The following UXS1 variants were observed in gnomAD, a reference collection of about 807,000 sequenced individuals.
UXS1 encodes the protein UDP-glucuronate decarboxylase 1.
A neutral mutation model predicts 62.6 loss-of-function variants in UXS1; 33 were observed. The ratio of observed to expected loss-of-function variants is 0.53; its 90% CI spans 0.40 to 0.70. The LOEUF (loss-of-function observed/expected upper bound fraction) is 0.70, where lower values mean the gene tolerates loss of function less well. Among genes scored for constraint, UXS1 ranks in the 30% least tolerant of loss-of-function variants. The probability of loss-of-function intolerance (pLI) is 0.00; values close to 1 mark genes in which losing one functional copy is unlikely to be tolerated. For missense variants in UXS1, 434 were observed against 556.3 expected (o/e 0.78, Z 2.21); for synonymous variants, 213 against 206.8 (o/e 1.03, Z -0.26).
chr2:106,175,290 T>C (rs530531953), intron 1 of UXS1, among the ~76,000 whole-genome samples: 18 of 152,354 alleles, frequency 1.2e-4, no homozygotes, highest in African/African-American at 4.1e-4. Context: ...TGCTGGACTG[T>C]TTGCTGTTCC....
intron 1 of UXS1, among the ~76,000 whole-genome samples, chr2:106,184,724 C>T (rs965451985): frequency 6.6e-6 from 1 of 152,150 alleles, no homozygotes; most frequent in Admixed American, 6.5e-5. Flanking sequence ...CCTCTTAATG[C>T]CATCACTTCA....
intron 7 of UXS1, among the ~76,000 whole-genome samples, chr2:106,126,175 C>G (rs991174519): frequency 6.6e-6 from 1 of 152,158 alleles, no homozygotes; most frequent in Admixed American, 6.5e-5. Context: ...TACACAGCAC[C>G]TTTTCCAAAG....
intron 9 of UXS1, among the ~76,000 whole-genome samples, chr2:106,120,436 T>C (rs1381059533): frequency 1.3e-5 from 2 of 152,096 alleles, no homozygotes. Context: ...GTAGGGTCCG[T>C]GGGAAAGGGT....
At position 106,130,844 on chromosome 2, in the gene UXS1, C is replaced by A. The variant is rs1266819514; in HGVS notation, c.473-1066G>T. ...TGAAGCAGGCTGGGAGACTCTAGAC[C>A]TTCATTCATATATATATATTTTTTT... On this transcript the variant is annotated intron_variant, in intron 6 of 14. Coordinates refer to ENST00000283148, the MANE Select transcript of UXS1 (RefSeq NM_001253875.2). 4.6e-5 allele frequency among the ~76,000 whole-genome samples: 7 copies of A among 152,110 alleles called. No homozygotes were observed. The South Asian group carries it at 1.0e-3, about 23-fold the overall frequency.
At chr2:106,125,514 T>C (rs2104932709) in intron 8 of UXS1, 106 bp downstream of exon 8, 3 of 1,095,912 alleles carry the variant, frequency 2.7e-6, no homozygotes, top group East Asian at 6.1e-5. Context: ...AAGAGGAGCA[T>C]GGGCAGGCTG....
intron 5 of UXS1, among the ~76,000 whole-genome samples, chr2:106,155,868 G>C (rs1407987496): frequency 6.6e-6 from 1 of 152,142 alleles, no homozygotes; most frequent in South Asian, 2.1e-4. Flanking sequence ...ATATCCAAAA[G>C]AATGATGACC....
intron 1 of UXS1, chr2:106,183,779 A>G (rs975804491): frequency 1.3e-5 from 2 of 152,220 alleles, no homozygotes; most frequent in Non-Finnish European, 2.9e-5. Context: ...TATTTAAAAC[A>G]AATTATTTTT....
At chr2:106,178,713 T>G (rs1474180355) in intron 1 of UXS1, among the ~76,000 whole-genome samples, 1 of 152,152 alleles carries the variant, frequency 6.6e-6, no homozygotes, top group East Asian at 1.9e-4. Flanking sequence ...GGGCACACCC[T>G]GCCCCACCCT....
intron 5 of UXS1, among the ~76,000 whole-genome samples, chr2:106,153,783 G>A (rs1682217928): frequency 6.6e-6 from 1 of 152,162 alleles, no homozygotes; most frequent in African/African-American, 2.4e-5. Flanking sequence ...ATATTAGGTT[G>A]GTGCAAAAGC....
intron 11 of UXS1, among the ~76,000 whole-genome samples, chr2:106,103,746 G>A (rs1469534550): frequency 6.6e-6 from 1 of 152,184 alleles, no homozygotes; most frequent in African/African-American, 2.4e-5. Context: ...ACTACTGGCT[G>A]TGTAAATGTT....
At chr2:106,127,985 T>C (rs560117191) in intron 7 of UXS1, among the ~76,000 whole-genome samples, 1 of 152,096 alleles carries the variant, frequency 6.6e-6, no homozygotes, top group African/African-American at 2.4e-5. Flanking sequence ...CCAACCCCCA[T>C]AGGGCACCAA....
At chr2:106,101,177 A>G in intron 11 of UXS1, 59 bp from the exon 12 acceptor site, 10 of 1,577,350 alleles carry the variant, frequency 6.3e-6, no homozygotes, top group Non-Finnish European at 7.8e-6. Flanking sequence ...AGTGCCACGC[A>G]CCACATAGAA....
At chr2:106,171,196 A>G (rs1296035261) in intron 1 of UXS1, among the ~76,000 whole-genome samples, 2 of 152,246 alleles carry the variant, frequency 1.3e-5, no homozygotes, top group African/African-American at 4.8e-5. Flanking sequence ...AATCTAACTC[A>G]TAAAAATTTT....
At chr2:106,185,220 C>A (rs1048058081) in intron 1 of UXS1, among the ~76,000 whole-genome samples, 5 of 152,226 alleles carry the variant, frequency 3.3e-5, no homozygotes, top group African/African-American at 4.8e-5. Flanking sequence ...GCATCCCATT[C>A]TCTCCAAGTC....
intron 1 of UXS1, among the ~76,000 whole-genome samples, chr2:106,181,364 C>T (rs1182860975): frequency 6.6e-6 from 1 of 152,178 alleles, no homozygotes; most frequent in East Asian, 1.9e-4. Context: ...CCAGCGAGCA[C>T]CACCGATTAG....
chr2:106,126,662 A>C (rs1012630961), intron 7 of UXS1, among the ~76,000 whole-genome samples: 1 of 152,208 alleles, frequency 6.6e-6, no homozygotes, highest in South Asian at 2.1e-4. Context: ...CTTCCTGATT[A>C]AATTTTTTGA....
chr2:106,104,251 A>G (rs1677859045), intron 11 of UXS1, among the ~76,000 whole-genome samples: 1 of 152,240 alleles, frequency 6.6e-6, no homozygotes, highest in Non-Finnish European at 1.5e-5. Flanking sequence ...TCACCAACGG[A>G]ATGGAACAAC....
chr2:106,098,779 A>G lies in UXS1; in HGVS notation c.985-6T>C. 1 of 1,611,180 alleles carries G rather than the reference A, an allele frequency of 6.2e-7. No homozygotes were observed. Among genetic ancestry groups the G allele is most frequent in the Non-Finnish European group, 8.5e-7 (1 of 1,178,568 alleles). The stretch of plus-strand genomic sequence containing the variant: ...GTGTGTTCTTCTGGGTTCCCCTAAG[A>G]AAGAAACGGTTTCCAGTTATAAGCG... On this transcript the variant is annotated splice_polypyrimidine_tract_variant and splice_region_variant and intron_variant, in intron 12 of 14. Coordinates refer to ENST00000283148, the MANE Select transcript of UXS1 (RefSeq NM_001253875.2).
chr2:106,139,369 C>A (rs975617253), intron 6 of UXS1, among the ~76,000 whole-genome samples: 2 of 152,204 alleles, frequency 1.3e-5, no homozygotes, highest in African/African-American at 4.8e-5. Flanking sequence ...GCAGGGTAAT[C>A]TTATGTTGGG....
Sources: allele counts gnomAD v4.1 joint callset (sites outside exome capture counted in the v4.1 genomes callset), GRCh38; gene constraint gnomAD v4.1.1; transcripts MANE v1.5; gene names NCBI Gene and HGNC (gene_info 2026-07-23, HGNC 2026-07-21).